EPHA5: variants seen among roughly 807,000 people sequenced by gnomAD.
EPHA5 encodes the protein ephrin type-A receptor 5.
In EPHA5, 60 loss-of-function variants were observed where a neutral mutation model predicts 105.0. That is an observed-to-expected ratio of 0.57 (90% CI 0.46 to 0.71). EPHA5 has a LOEUF of 0.71. Among genes scored for constraint, EPHA5 ranks in the 30% least tolerant of loss-of-function variants. EPHA5 has a pLI of 0.00. For synonymous variants in EPHA5, 513 were observed against 449.1 expected, an observed-to-expected ratio of 1.14 and a Z score of -1.80; for missense variants, 1,218 against 1,274.7, an observed-to-expected ratio of 0.96 and a Z score of 0.68.
intron 8 of EPHA5, among the ~76,000 whole-genome samples, chr4:65,374,462 A>AT (rs1451471928): frequency 7.2e-5 from 11 of 151,942 alleles, no homozygotes; most frequent in African/African-American, 2.4e-4. Flanking sequence ...TTTTAAACTG[A>AT]TGGATGTGGT....
intron 5 of EPHA5, among the ~76,000 whole-genome samples, chr4:65,428,814 T>C (rs1724701792): frequency 6.6e-6 from 1 of 152,070 alleles, no homozygotes; most frequent in Non-Finnish European, 1.5e-5. Flanking sequence ...ACTTTAAATA[T>C]TGTTTTGAAG....
intron 3 of EPHA5, among the ~76,000 whole-genome samples, chr4:65,532,673 T>G (rs1735924208): frequency 1.6e-4 from 1 of 6,360 alleles, no homozygotes; most frequent in South Asian, 4.9e-3. Context: ...TGGTTACAGT[T>G]TTTTTTTTTT....
At chr4:65,439,148 C>T (rs963975398) in intron 5 of EPHA5, among the ~76,000 whole-genome samples, 2 of 152,102 alleles carry the variant, frequency 1.3e-5, no homozygotes, top group African/African-American at 4.8e-5. Flanking sequence ...AGTCTGGATT[C>T]AGAGTCCATA....
At chr4:65,643,284 C>G in intron 2 of EPHA5, 79 bp downstream of exon 2, 1 of 1,128,532 alleles carries the variant, frequency 8.9e-7, no homozygotes, top group Non-Finnish European at 1.3e-6. Context: ...ACATCCAGTA[C>G]ATATTCATTC....
intron 5 of EPHA5, among the ~76,000 whole-genome samples, chr4:65,483,213 G>A (rs1055687017): frequency 1.3e-5 from 2 of 152,156 alleles, no homozygotes; most frequent in East Asian, 3.9e-4. Context: ...TGGCAGCATA[G>A]TATTCCATAG....
At chr4:65,657,989 A>G (rs2149542519) in intron 1 of EPHA5, among the ~76,000 whole-genome samples, 1 of 148,812 alleles carries the variant, frequency 6.7e-6, no homozygotes, top group East Asian at 2.1e-4. Context: ...TTCAGTGGCC[A>G]TTCTCAGTTC....
chr4:65,468,039 C>T (rs937089481), intron 5 of EPHA5, among the ~76,000 whole-genome samples: 2 of 152,120 alleles, frequency 1.3e-5, no homozygotes, highest in African/African-American at 4.8e-5. Context: ...CGATTTTAGT[C>T]AGAGAAGATA....
At chr4:65,427,329 G>A (rs1348396757) in intron 5 of EPHA5, among the ~76,000 whole-genome samples, 1 of 151,306 alleles carries the variant, frequency 6.6e-6, no homozygotes, top group Non-Finnish European at 1.5e-5. Flanking sequence ...GGGTTAAGGC[G>A]CCTGCCACTG....
At chr4:65,479,276 T>C (rs1465981706) in intron 5 of EPHA5, among the ~76,000 whole-genome samples, 1 of 152,184 alleles carries the variant, frequency 6.6e-6, no homozygotes, top group Non-Finnish European at 1.5e-5. Flanking sequence ...TGAGGCCCTG[T>C]GATATTTACG....
At chr4:65,408,209 C>G (rs1353596321) in intron 7 of EPHA5, among the ~76,000 whole-genome samples, 2 of 151,854 alleles carry the variant, frequency 1.3e-5, no homozygotes, top group Non-Finnish European at 2.9e-5. Context: ...TGCCTTCATG[C>G]TTGTTGGTTT....
At chr4:65,581,726 T>C (rs1381115723) in intron 3 of EPHA5, among the ~76,000 whole-genome samples, 4 of 151,778 alleles carry the variant, frequency 2.6e-5, no homozygotes, top group Non-Finnish European at 5.9e-5. Context: ...AAATAAAATA[T>C]AGGCTTGAAC....
intron 3 of EPHA5, among the ~76,000 whole-genome samples, chr4:65,499,574 G>A (rs755994963): frequency 4.6e-5 from 7 of 151,354 alleles, no homozygotes; most frequent in African/African-American, 9.7e-5. Flanking sequence ...CTTTCTTGCC[G>A]TACTCACTTC....
intron 5 of EPHA5, among the ~76,000 whole-genome samples, chr4:65,435,421 AG>A (rs1321901945): frequency 6.6e-6 from 1 of 152,128 alleles, no homozygotes; most frequent in Admixed American, 6.5e-5. Flanking sequence ...TCATCTTCAA[AG>A]GATTCTTTTA....
intron 2 of EPHA5, among the ~76,000 whole-genome samples, chr4:65,625,256 A>G (rs1456744937): frequency 6.6e-6 from 1 of 152,214 alleles, no homozygotes; most frequent in Non-Finnish European, 1.5e-5. Flanking sequence ...GAGAACGCCA[A>G]GTGAAAAGAA....
At chr4:65,477,574 A>C (rs1729947615) in intron 5 of EPHA5, among the ~76,000 whole-genome samples, 2 of 151,808 alleles carry the variant, frequency 1.3e-5, no homozygotes, top group Admixed American at 6.6e-5. Flanking sequence ...CACCACGCTC[A>C]GGTAATTTTT....
chr4:65,480,179 T>G (rs1730218157), intron 5 of EPHA5, among the ~76,000 whole-genome samples: 1 of 152,142 alleles, frequency 6.6e-6, no homozygotes, highest in Non-Finnish European at 1.5e-5. Flanking sequence ...AAACTTCAAC[T>G]AATTGTAAAA....
At chr4:65,623,238 C>T (rs866762649) in intron 2 of EPHA5, among the ~76,000 whole-genome samples, 13 of 151,864 alleles carry the variant, frequency 8.6e-5, no homozygotes, top group African/African-American at 2.2e-4. Flanking sequence ...ATTGTTACTA[C>T]GGGGATCACA....
intron 5 of EPHA5, among the ~76,000 whole-genome samples, chr4:65,476,792 A>G (rs1729864152): frequency 6.6e-6 from 1 of 152,178 alleles, no homozygotes; most frequent in South Asian, 2.1e-4. Context: ...TAAGCAGGTA[A>G]CCTTAAGCTA....
chr4:65,564,956 G>C (rs368911395), intron 3 of EPHA5, among the ~76,000 whole-genome samples: 75 of 151,676 alleles, frequency 4.9e-4, no homozygotes, highest in African/African-American at 1.7e-3. Context: ...CATCCAGAAA[G>C]AAATCTTATA....
Sources: gnomAD v4.1 joint callset for allele counts (sites outside exome capture counted in the v4.1 genomes callset) on GRCh38, gnomAD v4.1.1 for gene constraint, MANE v1.5 for transcripts, NCBI Gene and HGNC (gene_info 2026-07-23, HGNC 2026-07-21) for gene names.